The following CSMD1 variants were observed in gnomAD, a reference collection of about 807,000 sequenced individuals.
The protein encoded by CSMD1 is CUB and Sushi multiple domains 1, also known as CUB and sushi domain-containing protein 1.
In CSMD1, 213 loss-of-function variants were observed where a neutral mutation model predicts 417.5. The observed-to-expected ratio is 0.51, with a 90% CI of 0.46 to 0.57. The LOEUF is 0.57. Among genes scored for constraint, CSMD1 ranks in the 20% least tolerant of loss-of-function variants. CSMD1 has a pLI of 0.00. For synonymous variants in CSMD1, 2,862 were observed against 1,736.8 expected, an observed-to-expected ratio of 1.65 and a Z score of -16.11; for missense variants, 6,923 against 4,529.7, an observed-to-expected ratio of 1.53 and a Z score of -15.17.
chr8:4,600,690 G>A (rs1382249), intron 2 of CSMD1, among the ~76,000 whole-genome samples: 121,241 of 152,062 alleles, frequency 0.8, 49,118 homozygotes, highest in Non-Finnish European at 0.87. Flanking sequence ...ACAAAAATAG[G>A]GGAATGGCAT....
intron 5 of CSMD1, among the ~76,000 whole-genome samples, chr8:3,925,932 A>T (rs1300514719): frequency 6.6e-6 from 1 of 151,894 alleles, no homozygotes; most frequent in African/African-American, 2.4e-5. Context: ...AAGGTACAGC[A>T]GCCAAGCAGT....
At chr8:3,996,480 G>A (rs902793912) in intron 5 of CSMD1, among the ~76,000 whole-genome samples, 3 of 151,150 alleles carry the variant, frequency 2.0e-5, no homozygotes, top group South Asian at 2.1e-4. Context: ...TTTACAAATC[G>A]ACTTGTCTGA....
chr8:4,430,073 A>G (rs1180469668), intron 2 of CSMD1, among the ~76,000 whole-genome samples: 6 of 152,330 alleles, frequency 3.9e-5, no homozygotes, highest in South Asian at 2.1e-4. Flanking sequence ...TAAAAGCAGA[A>G]ACAAAACTTA....
intron 5 of CSMD1, among the ~76,000 whole-genome samples, chr8:3,800,980 C>G (rs758368792): frequency 1.3e-5 from 2 of 151,788 alleles, no homozygotes; most frequent in East Asian, 1.9e-4. Context: ...CAGACTAAGA[C>G]AATTTAAATT....
chr8:3,669,608 G>A (rs1429236444), intron 7 of CSMD1, among the ~76,000 whole-genome samples: 2 of 152,166 alleles, frequency 1.3e-5, no homozygotes, highest in African/African-American at 2.4e-5. Context: ...ATCACGACAG[G>A]GAAGACAAGC....
chr8:3,178,880 G>A (rs2129046677), intron 37 of CSMD1, among the ~76,000 whole-genome samples: 1 of 151,718 alleles, frequency 6.6e-6, no homozygotes, highest in Middle Eastern at 3.4e-3. Flanking sequence ...TACATCAACA[G>A]TCCTGATACC....
intron 3 of CSMD1, among the ~76,000 whole-genome samples, chr8:4,178,847 A>C (rs989134097): frequency 6.6e-6 from 1 of 152,192 alleles, no homozygotes; most frequent in Non-Finnish European, 1.5e-5. Flanking sequence ...AGAGAATAAA[A>C]TACTTAGAAA....
intron 26 of CSMD1, among the ~76,000 whole-genome samples, chr8:3,235,916 GTTTTTTTTTT>G (rs11414439): frequency 8.4e-6 from 1 of 119,378 alleles, no homozygotes; most frequent in Non-Finnish European, 1.6e-5. Flanking sequence ...GAAGATGTAA[GTTTTTTTTTT>G]TTTTTTTTTG....
chr8:4,990,763 C>T (rs573714945), intron 1 of CSMD1, among the ~76,000 whole-genome samples: 2 of 152,014 alleles, frequency 1.3e-5, no homozygotes, highest in South Asian at 4.2e-4. Context: ...TGCGGCTCTG[C>T]CATAAAGGAG....
At chr8:4,597,417 T>C (rs1322741744) in intron 2 of CSMD1, among the ~76,000 whole-genome samples, 1 of 152,176 alleles carries the variant, frequency 6.6e-6, no homozygotes, top group Non-Finnish European at 1.5e-5. Context: ...CATCCCCAAA[T>C]GTAAATTCAC....
intron 1 of CSMD1, among the ~76,000 whole-genome samples, chr8:4,872,722 A>G (rs1247203318): frequency 1.3e-5 from 2 of 152,158 alleles, no homozygotes; most frequent in African/African-American, 4.8e-5. Flanking sequence ...GAGACAGAGA[A>G]GAGCCTGTGG....
At chr8:4,279,368 C>A (rs560955369) in intron 3 of CSMD1, among the ~76,000 whole-genome samples, 5 of 152,324 alleles carry the variant, frequency 3.3e-5, no homozygotes, top group Admixed American at 2.6e-4. Context: ...GACATCTCAA[C>A]AGAATGTCAA....
intron 26 of CSMD1, among the ~76,000 whole-genome samples, chr8:3,247,245 C>T (rs73185559): frequency 4.6e-5 from 7 of 152,180 alleles, no homozygotes; most frequent in Non-Finnish European, 7.4e-5. Flanking sequence ...ACATTCACAG[C>T]GATGTGGGTG....
intron 3 of CSMD1, among the ~76,000 whole-genome samples, chr8:4,306,367 C>T (rs73502690): frequency 0.059 from 8,964 of 151,236 alleles, 657 homozygotes; most frequent in African/African-American, 0.17. Context: ...ATCAATGAGC[C>T]TCACTCTGAT....
At chr8:4,256,068 A>T (rs968644890) in intron 3 of CSMD1, among the ~76,000 whole-genome samples, 1 of 152,206 alleles carries the variant, frequency 6.6e-6, no homozygotes, top group Non-Finnish European at 1.5e-5. Context: ...TATTTCCTGT[A>T]AGTTGTAGGC....
At chr8:4,408,105 G>A (rs1305184804) in intron 3 of CSMD1, among the ~76,000 whole-genome samples, 1 of 152,086 alleles carries the variant, frequency 6.6e-6, no homozygotes, top group Non-Finnish European at 1.5e-5. Flanking sequence ...AAAAGTTTAT[G>A]CCTGAATGGA....
intron 3 of CSMD1, among the ~76,000 whole-genome samples, chr8:4,323,907 G>A (rs1218809834): frequency 1.3e-5 from 2 of 152,086 alleles, no homozygotes; most frequent in East Asian, 1.9e-4. Context: ...TTGGAGTTCT[G>A]AGCCTGGGGG....
intron 4 of CSMD1, among the ~76,000 whole-genome samples, chr8:4,023,295 T>G (rs75117378): frequency 2.0e-5 from 3 of 152,208 alleles, no homozygotes; most frequent in Non-Finnish European, 4.4e-5. Flanking sequence ...GAGACTCATT[T>G]TGAATTTAAC....
intron 3 of CSMD1, among the ~76,000 whole-genome samples, chr8:4,121,329 G>A (rs541126588): frequency 2.0e-5 from 3 of 152,016 alleles, no homozygotes; most frequent in Non-Finnish European, 2.9e-5. Context: ...TGGCCAGGCT[G>A]GTCTCAAACT....
Sources: gnomAD v4.1 joint callset for allele counts (sites outside exome capture counted in the v4.1 genomes callset) on GRCh38, gnomAD v4.1.1 for gene constraint, MANE v1.5 for transcripts, NCBI Gene and HGNC (gene_info 2026-07-23, HGNC 2026-07-21) for gene names.